The following BARX2 variants were observed in gnomAD, a reference collection of about 807,000 sequenced individuals.
BARX2 encodes homeobox protein BarH-like 2.
In BARX2, 11 loss-of-function variants were observed where a neutral mutation model predicts 25.5. The ratio of observed to expected loss-of-function variants is 0.43; its 90% CI spans 0.27 to 0.71. The LOEUF (loss-of-function observed/expected upper bound fraction) is 0.71. Among genes scored for constraint, BARX2 ranks in the 30% least tolerant of loss-of-function variants. BARX2 has a pLI of 0.19. For synonymous variants in BARX2, 137 were observed against 149.5 expected (o/e 0.92, Z 0.61); for missense variants, 360 against 359.9 (o/e 1.00, Z 0.00).
rs766960865 is a variant in BARX2, at chr11:129,437,078, G to A, written c.488+27G>A. On this transcript the variant is annotated intron_variant, in intron 2 of 3. Coordinates refer to ENST00000281437, the MANE Select transcript of BARX2 (RefSeq NM_003658.5). ...TGAGGACGCAGGGAAGGGACTCTCC[G>A]CAGTGAAGGCCCCTGGGAACGGGAG... The A allele has an allele frequency of 2.4e-5, 36 of 1,514,984 alleles. 1 individual carries two copies. The highest frequency in any genetic ancestry group is 1.8e-4 in the Middle Eastern group (1 of 5,600). 93.8% of individuals were successfully genotyped at this position (1,514,984 alleles called of 1,614,324 possible).
At chr11:129,415,291 C>T (rs980118385) in intron 1 of BARX2, among the ~76,000 whole-genome samples, 2 of 152,168 alleles carry the variant, frequency 1.3e-5, no homozygotes, top group Non-Finnish European at 1.5e-5. Flanking sequence ...TCTATGACTT[C>T]ATTGTATGGG....
chr11:129,389,748 T>G (rs1404944878), intron 1 of BARX2, among the ~76,000 whole-genome samples: 1 of 151,602 alleles, frequency 6.6e-6, no homozygotes, highest in Non-Finnish European at 1.5e-5. Context: ...GAAACTATTC[T>G]TTTTTTCTTA....
chr11:129,402,126 A>G (rs753931476), intron 1 of BARX2, among the ~76,000 whole-genome samples: 2 of 152,124 alleles, frequency 1.3e-5, no homozygotes, highest in African/African-American at 4.8e-5. Flanking sequence ...AGGTGAAATG[A>G]CTGCCATTTT....
At chr11:129,379,340 A>G (rs902190419) in intron 1 of BARX2, among the ~76,000 whole-genome samples, 3 of 152,168 alleles carry the variant, frequency 2.0e-5, no homozygotes, top group Non-Finnish European at 4.4e-5. Context: ...AGTATATAAA[A>G]AGTTGGTTTT....
intron 1 of BARX2, among the ~76,000 whole-genome samples, chr11:129,410,566 G>A (rs1194106982): frequency 6.6e-6 from 1 of 152,188 alleles, no homozygotes; most frequent in Non-Finnish European, 1.5e-5. Flanking sequence ...AGGGGTGTGT[G>A]GGGCTGTGTG....
At position 129,391,585 on chromosome 11, in the gene BARX2, C is replaced by T. The variant is rs190112924; in HGVS notation, c.187+15363C>T. ...AGGGCACAAAAATACCTCCTTTGATCCAGGGTTCTGTTGTCATCCTGTGAC... is the reference window on the plus strand; with the variant it reads ...AGGGCACAAAAATACCTCCTTTGATTCAGGGTTCTGTTGTCATCCTGTGAC... On this transcript the variant is annotated intron_variant, in intron 1 of 3. Coordinates refer to ENST00000281437, the MANE Select transcript of BARX2 (RefSeq NM_003658.5). 1.2e-4 allele frequency among the ~76,000 whole-genome samples: 18 copies of T among 152,256 alleles called. No individual in the cohort carries two copies. The East Asian group carries it at 3.3e-3, about 28-fold the overall frequency.
chr11:129,435,138 G>A (rs1459323190), intron 1 of BARX2, among the ~76,000 whole-genome samples: 1 of 152,186 alleles, frequency 6.6e-6, no homozygotes, highest in East Asian at 1.9e-4. Context: ...TTCAGGATGT[G>A]TGCTGTGAGA....
intron 2 of BARX2, among the ~76,000 whole-genome samples, chr11:129,440,029 T>A (rs1047606099): frequency 7.9e-5 from 12 of 152,132 alleles, no homozygotes; most frequent in African/African-American, 2.7e-4. Flanking sequence ...AGGACACCAT[T>A]GGCTGGCATG....
intron 2 of BARX2, among the ~76,000 whole-genome samples, chr11:129,439,724 G>C (rs76946366): frequency 6.6e-6 from 1 of 152,270 alleles, no homozygotes; most frequent in South Asian, 2.1e-4. Flanking sequence ...TCTGTGAACC[G>C]GAGGTTAGTA....
chr11:129,443,374 A>T (rs1257143615), intron 3 of BARX2, among the ~76,000 whole-genome samples: 1 of 152,104 alleles, frequency 6.6e-6, no homozygotes, highest in African/African-American at 2.4e-5. Context: ...ACCAAGAGCT[A>T]AAAATAGAAG....
At chr11:129,450,926 T>C (rs1190942512) in intron 3 of BARX2, among the ~76,000 whole-genome samples, 1 of 152,200 alleles carries the variant, frequency 6.6e-6, no homozygotes, top group Non-Finnish European at 1.5e-5. Context: ...TGCCAAAATA[T>C]ATAATGTTGA....
intron 1 of BARX2, among the ~76,000 whole-genome samples, chr11:129,407,063 A>G (rs1861837803): frequency 6.6e-6 from 1 of 151,552 alleles, no homozygotes; most frequent in South Asian, 2.1e-4. Context: ...CGTATATTCC[A>G]GTATAGACTC....
At chr11:129,428,122 A>G (rs1274288812) in intron 1 of BARX2, among the ~76,000 whole-genome samples, 1 of 152,220 alleles carries the variant, frequency 6.6e-6, no homozygotes, top group African/African-American at 2.4e-5. Context: ...AAAAACAACT[A>G]TTAGAAAATG....
chr11:129,423,278 G>T (rs897377597), intron 1 of BARX2, among the ~76,000 whole-genome samples: 1 of 151,608 alleles, frequency 6.6e-6, no homozygotes, highest in African/African-American at 2.4e-5. Context: ...CACCACGCCC[G>T]GCTAATTTTT....
Position 129,451,557 on chromosome 11 carries a change from C to A in BARX2, c.*155C>A. The A allele has an allele frequency of 1.2e-6, 1 of 861,988 alleles. No homozygotes were observed. The highest frequency in any genetic ancestry group is 1.7e-6 in the Non-Finnish European group (1 of 573,374). 53.4% of individuals were successfully genotyped at this position (861,988 alleles called of 1,614,324 possible). A position where few individuals can be genotyped will look rare whatever the true frequency, so the allele number is the denominator to read the frequency against. On this transcript the variant is annotated 3_prime_UTR_variant, in exon 4 of 4. Transcript: ENST00000281437. ...CTCCCACAGTTACCATTGGCCTTGT[C>A]ATCGCAAGCATTTGACAAAGACTTG...
At chr11:129,408,245 T>C (rs1024701612) in intron 1 of BARX2, among the ~76,000 whole-genome samples, 1 of 152,172 alleles carries the variant, frequency 6.6e-6, no homozygotes. Flanking sequence ...TTCGGTTCTG[T>C]TGATGTTAGT....
At chr11:129,405,578 T>G (rs1690164828) in intron 1 of BARX2, among the ~76,000 whole-genome samples, 1 of 152,210 alleles carries the variant, frequency 6.6e-6, no homozygotes. Context: ...ACTGACAATA[T>G]AACTTTACAC....
intron 1 of BARX2, among the ~76,000 whole-genome samples, chr11:129,382,103 G>T (rs1010463468): frequency 6.6e-6 from 1 of 152,216 alleles, no homozygotes. Flanking sequence ...ACTTTGTTTT[G>T]AGGTCAGGTA....
At chr11:129,375,492 G>A (rs1001717168), upstream of BARX2, among the ~76,000 whole-genome samples, 3 of 152,264 alleles carry the variant, frequency 2.0e-5, no homozygotes, top group Admixed American at 1.3e-4. This position sits in a 1 kb window ranked among gnomAD's most constrained non-coding sequence, Gnocchi z 4.0. Flanking sequence ...ACACTGCCCC[G>A]GGGAGCTACC....
Sources: allele counts gnomAD v4.1 joint callset (sites outside exome capture counted in the v4.1 genomes callset), GRCh38; gene constraint gnomAD v4.1.1; non-coding constraint Gnocchi (gnomAD v3.1); transcripts MANE v1.5; gene names NCBI Gene and HGNC (gene_info 2026-07-23, HGNC 2026-07-21).